The following NUP98 variants were observed in gnomAD, a reference collection of about 807,000 sequenced individuals.
NUP98 encodes the protein nuclear pore complex protein Nup98-Nup96.
NUP98 carries 26 observed loss-of-function variants against 191.9 expected under a neutral mutation model. The ratio of observed to expected loss-of-function variants is 0.14; its 90% CI spans 0.10 to 0.19. The LOEUF is 0.19. NUP98 is among the 10% of genes least tolerant of loss of function. The probability of loss-of-function intolerance (pLI) is 1.00; values close to 1 mark genes in which losing one functional copy is unlikely to be tolerated. For missense variants in NUP98, 1,941 were observed against 2,178.8 expected, an observed-to-expected ratio of 0.89 and a Z score of 2.17; for synonymous variants, 808 against 778.4, an observed-to-expected ratio of 1.04 and a Z score of -0.63.
In NUP98 at chr11:3,676,784, C is replaced by T. The variant is rs2077826548; in HGVS notation, c.5074-164G>A. On this transcript the variant is annotated intron_variant, in intron 31 of 32. Transcript: ENST00000324932. ...CACCACCATCTAGTGGAGGACAAGG[C>T]ACTAATTATGCAGTAATAGCCAAGA... The T allele has an allele frequency of 5.5e-5, 41 of 750,650 alleles. 1 individual carries two copies. The highest frequency in any genetic ancestry group is 5.3e-4 in the South Asian group (38 of 71,766). 46.5% of individuals were successfully genotyped at this position (750,650 alleles called of 1,614,324 possible).
intron 16 of NUP98, 95 bp downstream of exon 16, chr11:3,723,062 C>A: frequency 1.7e-6 from 2 of 1,172,894 alleles, no homozygotes; most frequent in Admixed American, 4.2e-5. Context: ...ACTTAAAATG[C>A]CAAACAGCTG....
chr11:3,713,275 G>A (rs1436553709), intron 19 of NUP98, among the ~76,000 whole-genome samples: 1 of 152,200 alleles, frequency 6.6e-6, no homozygotes, highest in East Asian at 1.9e-4. Context: ...CCTTAGAAAT[G>A]TATTTATAAA....
intron 18 of NUP98, among the ~76,000 whole-genome samples, chr11:3,716,191 A>G (rs2079174339): frequency 6.6e-6 from 1 of 152,152 alleles, no homozygotes; most frequent in African/African-American, 2.4e-5. Flanking sequence ...TTTTCTTCTA[A>G]GAGTTGTAAA....
At chr11:3,772,825 A>T (rs1254770184) in intron 6 of NUP98, among the ~76,000 whole-genome samples, 1 of 151,524 alleles carries the variant, frequency 6.6e-6, no homozygotes, top group Admixed American at 6.6e-5. Context: ...AAAAAAAAAA[A>T]AAATTAGCTG....
At chr11:3,725,969 C>G (rs908598056) in intron 14 of NUP98, among the ~76,000 whole-genome samples, 1 of 152,148 alleles carries the variant, frequency 6.6e-6, no homozygotes, top group Non-Finnish European at 1.5e-5. Flanking sequence ...GATAGGCACC[C>G]ACCACCATGC....
chr11:3,720,651 T>C (rs1345400380), intron 17 of NUP98, 61 bp downstream of exon 17: 29 of 874,884 alleles, frequency 3.3e-5, no homozygotes, highest in Non-Finnish European at 5.6e-6. Flanking sequence ...AAGCTTCCCC[T>C]AATTACAAAA....
chr11:3,738,654 C>T (rs1028025975), intron 12 of NUP98, among the ~76,000 whole-genome samples: 1 of 151,716 alleles, frequency 6.6e-6, no homozygotes, highest in Non-Finnish European at 1.5e-5. Flanking sequence ...TGACACATAC[C>T]TGTAGTCCCA....
chr11:3,683,508 T>A (rs571748558), intron 29 of NUP98, 67 bp from the exon 30 acceptor site: 2 of 1,570,090 alleles, frequency 1.3e-6, no homozygotes, highest in Non-Finnish European at 1.7e-6. Context: ...CCAGGCAGCT[T>A]AGAGTGGCCC....
intron 19 of NUP98, among the ~76,000 whole-genome samples, chr11:3,713,445 T>C (rs377710706): frequency 1.3e-5 from 2 of 152,172 alleles, no homozygotes; most frequent in Admixed American, 6.6e-5. Flanking sequence ...TGGCTGGGTA[T>C]AGTGGCTTAC....
chr11:3,766,437 C>T (rs545508702), intron 8 of NUP98, among the ~76,000 whole-genome samples: 2 of 152,050 alleles, frequency 1.3e-5, no homozygotes, highest in African/African-American at 4.8e-5. Flanking sequence ...TGCCTGTAAA[C>T]CCAGCACTTT....
chr11:3,738,890 G>A (rs1275962482), intron 12 of NUP98, among the ~76,000 whole-genome samples: 2 of 152,036 alleles, frequency 1.3e-5, no homozygotes, highest in Non-Finnish European at 2.9e-5. Context: ...CTCTATGGAG[G>A]AAGGATTTGG....
chr11:3,760,777 G>T, intron 9 of NUP98, 151 bp from the exon 10 acceptor site: 2 of 594,410 alleles, frequency 3.4e-6, no homozygotes, highest in Non-Finnish European at 5.7e-6. Flanking sequence ...ATGAATAAAG[G>T]CTATCAAAAA....
intron 24 of NUP98, 100 bp downstream of exon 24, chr11:3,700,510 T>C: frequency 1.4e-6 from 1 of 730,026 alleles, no homozygotes; most frequent in South Asian, 2.0e-5. Flanking sequence ...CACAGGCATT[T>C]ACCTACTAGA....
At chr11:3,774,349 T>A (rs935599432) in intron 5 of NUP98, among the ~76,000 whole-genome samples, 27 of 151,432 alleles carry the variant, frequency 1.8e-4, no homozygotes, top group Admixed American at 1.8e-3. Context: ...GAAGCGGAGG[T>A]TGCAGTGAGC....
At chr11:3,723,503 C>CAATGAT (rs755536705) in intron 15 of NUP98, 48 bp from the exon 16 acceptor site, 3 of 1,496,962 alleles carry the variant, frequency 2.0e-6, no homozygotes, top group Middle Eastern at 1.7e-4. Flanking sequence ...GTAGTAATAA[C>CAATGAT]AATGATAATA....
intron 15 of NUP98, among the ~76,000 whole-genome samples, chr11:3,723,976 T>C (rs956135700): frequency 2.6e-5 from 4 of 151,734 alleles, no homozygotes; most frequent in Admixed American, 6.6e-5. Flanking sequence ...GGTCAAGTTA[T>C]CTTACATTCA....
At chr11:3,715,349 G>A (rs748353701) in intron 18 of NUP98, among the ~76,000 whole-genome samples, 5 of 152,026 alleles carry the variant, frequency 3.3e-5, no homozygotes, top group Non-Finnish European at 7.4e-5. Context: ...GTTTTGCCAT[G>A]TTGGTCAGAC....
chr11:3,747,932 G>C (rs2134404135), intron 11 of NUP98, among the ~76,000 whole-genome samples: 1 of 152,278 alleles, frequency 6.6e-6, no homozygotes, highest in East Asian at 1.9e-4. Context: ...TTGCAACAGT[G>C]TGTGTGCTTG....
At chr11:3,761,816 C>G (rs1260209818) in intron 9 of NUP98, among the ~76,000 whole-genome samples, 1 of 151,934 alleles carries the variant, frequency 6.6e-6, no homozygotes, top group Admixed American at 6.6e-5. Context: ...TGGTGTCACA[C>G]GCCTGTAATC....
Sources: gnomAD v4.1 joint callset for allele counts (sites outside exome capture counted in the v4.1 genomes callset) on GRCh38, gnomAD v4.1.1 for gene constraint, MANE v1.5 for transcripts, NCBI Gene and HGNC (gene_info 2026-07-23, HGNC 2026-07-21) for gene names.